Variants in LSAMP observed in about 807,000 individuals in gnomAD.
LSAMP encodes the protein limbic system associated membrane protein.
In LSAMP, 7 loss-of-function variants were observed where a neutral mutation model predicts 38.6. The observed-to-expected ratio is 0.18, with a 90% confidence interval of 0.10 to 0.34. The LOEUF (loss-of-function observed/expected upper bound fraction) is 0.34. Ranked by LOEUF, LSAMP falls within the 10% of genes least tolerant of loss-of-function variation. The probability of loss-of-function intolerance (pLI) is 1.00; values close to 1 mark genes in which losing one functional copy is unlikely to be tolerated. For missense variants in LSAMP, 313 were observed against 420.0 expected (o/e 0.75, Z 2.23); for synonymous variants, 154 against 166.8 (o/e 0.92, Z 0.59).
chr3:116,445,076 T>A lies in LSAMP; in HGVS notation c.-45A>T, dbSNP rs373910939. On this transcript the variant is annotated 5_prime_UTR_variant, in exon 1 of 7. Transcript: ENST00000490035. ...GGGTCCGCGGGGTGCTCTGGAGGGG[T>A]GCGCGCTGCTCGCGAGGAGAGGCTT... 87 of 1,572,360 alleles carry A rather than the reference T, an allele frequency of 5.5e-5. No homozygotes were observed. In the African/African-American group the frequency reaches 1.1e-3, roughly 19 times the overall value.
chr3:116,188,747 A>G (rs950013195), intron 1 of LSAMP, among the ~76,000 whole-genome samples: 2 of 152,178 alleles, frequency 1.3e-5, no homozygotes, highest in Non-Finnish European at 2.9e-5. Context: ...TATTGCGGGA[A>G]TGGGGGAATT....
rs190348211 is a variant in LSAMP, at chr3:116,243,865, A to T, written c.156-157309T>A. 1.2e-3 allele frequency among the ~76,000 whole-genome samples: 189 copies of T among 152,276 alleles called. 1 individual carries two copies. The highest frequency in any genetic ancestry group is 7.0e-3 in the South Asian group (34 of 4,826). On this transcript the variant is annotated intron_variant, in intron 1 of 6. Transcript: ENST00000490035. Reference sequence around the variant, plus strand: ...TTAATTTATTAAAAATTATTTGAGGATTCACAATTATAAAATTTGTATTTC... The same window carrying T: ...TTAATTTATTAAAAATTATTTGAGGTTTCACAATTATAAAATTTGTATTTC...
At chr3:116,068,370 G>A (rs1209206479) in intron 2 of LSAMP, among the ~76,000 whole-genome samples, 3 of 151,926 alleles carry the variant, frequency 2.0e-5, no homozygotes, top group Admixed American at 6.6e-5. Context: ...TTCTTCCTTG[G>A]AACAATTTAA....
intron 1 of LSAMP, among the ~76,000 whole-genome samples, chr3:116,123,301 T>A (rs1022539005): frequency 2.0e-5 from 3 of 152,218 alleles, no homozygotes; most frequent in Admixed American, 1.3e-4. Context: ...CCATGACACC[T>A]CCTCCAGTCG....
intron 1 of LSAMP, among the ~76,000 whole-genome samples, chr3:116,393,389 A>G (rs1440612122): frequency 6.6e-6 from 1 of 152,200 alleles, no homozygotes; most frequent in Non-Finnish European, 1.5e-5. Flanking sequence ...ACAGAGAACC[A>G]GTGCCCGTTA....
At chr3:116,382,517 G>C (rs182801802) in intron 1 of LSAMP, among the ~76,000 whole-genome samples, 4 of 139,028 alleles carry the variant, frequency 2.9e-5, no homozygotes, top group Admixed American at 7.2e-5. Context: ...GGTCGGGGGA[G>C]GGGGGAGGGA....
intron 1 of LSAMP, among the ~76,000 whole-genome samples, chr3:116,248,271 G>C (rs889863571): frequency 6.6e-6 from 1 of 152,168 alleles, no homozygotes; most frequent in African/African-American, 2.4e-5. Context: ...TCAGGACCTT[G>C]AAGGATGAGT....
rs111588689 is a variant in LSAMP, at chr3:116,101,519, C to T, written c.156-14963G>A. The stretch of plus-strand genomic sequence containing the variant: ...ATCAGATCAGGGCAATCAACATATA[C>T]ATCATCTCAAACATTTGTCATTTCT... On this transcript the variant is annotated intron_variant, in intron 1 of 6. Transcript: ENST00000490035. Among the ~76,000 whole-genome samples the T allele has an allele frequency of 5.8e-3, 881 of 152,262 alleles. 7 individuals are homozygous for T. Among genetic ancestry groups the T allele is most frequent in the African/African-American group, 0.019 (800 of 41,552 alleles).
chr3:116,393,670 C>A (rs1018248095), intron 1 of LSAMP, among the ~76,000 whole-genome samples: 1 of 152,154 alleles, frequency 6.6e-6, no homozygotes, highest in African/African-American at 2.4e-5. Context: ...CCCCAAAGAT[C>A]CCATAACAAT....
At chr3:116,396,358 G>C (rs74947984) in intron 1 of LSAMP, among the ~76,000 whole-genome samples, 2 of 152,044 alleles carry the variant, frequency 1.3e-5, no homozygotes, top group African/African-American at 4.8e-5. Flanking sequence ...CCTGGGATTC[G>C]CCTCTTTTTT....
At chr3:116,144,967 C>T (rs9818695) in intron 1 of LSAMP, among the ~76,000 whole-genome samples, 18,852 of 151,880 alleles carry the variant, frequency 0.12, 1,242 homozygotes, top group Non-Finnish European at 0.14. Flanking sequence ...TAATCCTCCA[C>T]TGTCTTCTGG....
At chr3:116,158,087 A>G (rs1451474317) in intron 1 of LSAMP, among the ~76,000 whole-genome samples, 1 of 152,184 alleles carries the variant, frequency 6.6e-6, no homozygotes, top group Admixed American at 6.6e-5. Flanking sequence ...TCATAAAAAC[A>G]GAACGAAAAC....
Position 115,906,250 on chromosome 3 carries a change from C to G in LSAMP, c.515-53633G>C, listed in dbSNP as rs146543276. Reference sequence around the variant, plus strand: ...TTTGGGAGAGCAGAAGAAACTAATGCTACTTTTATTTATGCCGTTTCATCT... The same window carrying G: ...TTTGGGAGAGCAGAAGAAACTAATGGTACTTTTATTTATGCCGTTTCATCT... On this transcript the variant is annotated intron_variant, in intron 3 of 6. Transcript: ENST00000490035. Among the ~76,000 whole-genome samples, 39 of 152,216 alleles carry G rather than the reference C, an allele frequency of 2.6e-4. No individual in the cohort carries two copies. The East Asian group carries it at 7.5e-3, about 29-fold the overall frequency.
intron 1 of LSAMP, among the ~76,000 whole-genome samples, chr3:116,423,880 G>A (rs1229060691): frequency 6.6e-6 from 1 of 152,088 alleles, no homozygotes; most frequent in Admixed American, 6.6e-5. Flanking sequence ...AAATAATACT[G>A]CACAAAGAGA....
chr3:116,273,665 A>G (rs1164423070), intron 1 of LSAMP, among the ~76,000 whole-genome samples: 1 of 70,228 alleles, frequency 1.4e-5, no homozygotes, highest in African/African-American at 7.9e-5. Flanking sequence ...GAGGACCACC[A>G]AGAGAAAGAG....
chr3:116,381,977 T>C (rs2048565133), intron 1 of LSAMP, among the ~76,000 whole-genome samples: 1 of 152,146 alleles, frequency 6.6e-6, no homozygotes, highest in Non-Finnish European at 1.5e-5. Context: ...AAATAGTTTT[T>C]ATATTTGAAA....
chr3:115,919,063 T>G (rs753637143), intron 3 of LSAMP, among the ~76,000 whole-genome samples: 2 of 152,138 alleles, frequency 1.3e-5, no homozygotes, highest in Non-Finnish European at 2.9e-5. Flanking sequence ...CTAGAAGAGT[T>G]GATGCTTCTC....
chr3:115,855,731 G>GT (rs1318768018), intron 3 of LSAMP, among the ~76,000 whole-genome samples: 1 of 152,136 alleles, frequency 6.6e-6, no homozygotes, highest in Non-Finnish European at 1.5e-5. Flanking sequence ...ATTTTCTCCA[G>GT]TTCTTTCAGT....
chr3:115,816,595 C>A, intron 6 of LSAMP: 1 of 1,280,560 alleles, frequency 7.8e-7, no homozygotes, highest in Non-Finnish European at 1.0e-6. Flanking sequence ...TGGAAGGTAA[C>A]CAAAAATAAG....
Sources: gnomAD v4.1 joint callset for allele counts (sites outside exome capture counted in the v4.1 genomes callset) on GRCh38, gnomAD v4.1.1 for gene constraint, MANE v1.5 for transcripts, NCBI Gene and HGNC (gene_info 2026-07-23, HGNC 2026-07-21) for gene names.